The following NOL4 variants were observed in gnomAD, a reference collection of about 807,000 sequenced individuals.
NOL4 encodes nucleolar protein 4.
In NOL4, 17 loss-of-function variants were observed where a neutral mutation model predicts 75.9. The observed-to-expected ratio is 0.22, with a 90% CI of 0.15 to 0.34. The LOEUF is 0.34. Ranked by LOEUF, NOL4 falls within the 10% of genes least tolerant of loss-of-function variation. The probability of loss-of-function intolerance (pLI) is 1.00; values close to 1 mark genes in which losing one functional copy is unlikely to be tolerated. For missense variants in NOL4, 614 were observed against 793.5 expected, an observed-to-expected ratio of 0.77 and a Z score of 2.72; for synonymous variants, 292 against 289.9, an observed-to-expected ratio of 1.01 and a Z score of -0.07.
rs148008016 is a variant in NOL4, at chr18:34,069,869, C to A, written c.772+23596G>T. 2.3e-3 allele frequency among the ~76,000 whole-genome samples: 352 copies of A among 152,322 alleles called. 2 individuals carry two copies. The highest frequency in any genetic ancestry group is 7.9e-3 in the African/African-American group (330 of 41,582). On this transcript the variant is annotated intron_variant, in intron 5 of 10. Transcript: ENST00000261592. Reference sequence around the variant, plus strand: ...TGGCTAAGACTTGATTAATAACAGACAGATCTCCTAATTTTAGTCCTGCCT... The same window carrying A: ...TGGCTAAGACTTGATTAATAACAGAAAGATCTCCTAATTTTAGTCCTGCCT...
intron 6 of NOL4, among the ~76,000 whole-genome samples, chr18:34,010,361 C>A (rs1454269961): frequency 6.6e-6 from 1 of 151,698 alleles, no homozygotes; most frequent in Non-Finnish European, 1.5e-5. Flanking sequence ...GAATAGTATT[C>A]CATTGTGTAT....
intron 5 of NOL4, among the ~76,000 whole-genome samples, chr18:34,086,006 T>C (rs1022983571): frequency 6.6e-6 from 1 of 152,146 alleles, no homozygotes; most frequent in Non-Finnish European, 1.5e-5. Context: ...TAGTTTATAC[T>C]TCTGTAAATT....
chr18:33,918,940 T>A (rs1466848412), intron 9 of NOL4, among the ~76,000 whole-genome samples: 1 of 152,068 alleles, frequency 6.6e-6, no homozygotes, highest in African/African-American at 2.4e-5. Context: ...GATAGATAGG[T>A]TAATAATATA....
At chr18:34,128,386 G>T (rs756328639) in intron 2 of NOL4, among the ~76,000 whole-genome samples, 2 of 151,960 alleles carry the variant, frequency 1.3e-5, no homozygotes, top group Non-Finnish European at 2.9e-5. Flanking sequence ...TCGAGTTCAG[G>T]TAGCTATTTC....
chr18:34,070,859 A>T (rs1304103809), intron 5 of NOL4, among the ~76,000 whole-genome samples: 1 of 152,200 alleles, frequency 6.6e-6, no homozygotes, highest in African/African-American at 2.4e-5. Flanking sequence ...AAAAATAACA[A>T]TATAAACATG....
At chr18:33,935,691 T>C (rs759439376) in intron 9 of NOL4, among the ~76,000 whole-genome samples, 5 of 152,118 alleles carry the variant, frequency 3.3e-5, no homozygotes, top group Non-Finnish European at 5.9e-5. Context: ...GCTCACAAGA[T>C]TGTCACAAAC....
intron 5 of NOL4, among the ~76,000 whole-genome samples, chr18:34,078,829 A>G (rs755650368): frequency 2.0e-5 from 3 of 152,224 alleles, no homozygotes; most frequent in Non-Finnish European, 4.4e-5. Context: ...AAGGAGAGAC[A>G]TTTATCAGGA....
At chr18:34,106,800 CATT>C (rs1357997126) in intron 2 of NOL4, among the ~76,000 whole-genome samples, 1 of 151,824 alleles carries the variant, frequency 6.6e-6, no homozygotes, top group Admixed American at 6.6e-5. Context: ...CATTAGAGAT[CATT>C]ATTTTCTTAC....
chr18:34,214,263 AT>A (rs934141584), intron 1 of NOL4, among the ~76,000 whole-genome samples: 252 of 146,634 alleles, frequency 1.7e-3, no homozygotes, highest in African/African-American at 6.1e-3. Context: ...TAAAACTTGG[AT>A]TTATATATAT....
At chr18:33,881,902 A>G (rs538085988) in intron 10 of NOL4, among the ~76,000 whole-genome samples, 9 of 152,120 alleles carry the variant, frequency 5.9e-5, no homozygotes, top group African/African-American at 2.2e-4. Context: ...ATAAAGCCGC[A>G]TATCTACAAC....
At chr18:34,093,418 A>G in intron 5 of NOL4, 47 bp downstream of exon 5, 2 of 1,513,136 alleles carry the variant, frequency 1.3e-6, no homozygotes, top group Non-Finnish European at 1.8e-6. Context: ...ATTCTGACTC[A>G]TTTTTTTGCT....
At chr18:34,186,615 A>G (rs1217775673) in intron 1 of NOL4, among the ~76,000 whole-genome samples, 2 of 152,216 alleles carry the variant, frequency 1.3e-5, no homozygotes, top group Admixed American at 1.3e-4. Flanking sequence ...GCATTTTGAG[A>G]GTGCTATACC....
At position 33,881,753 on chromosome 18, in the gene NOL4, C is replaced by A. The variant is rs182289790; in HGVS notation, c.1723+1491G>T. ...AACGAGCCCGCATTGCCAGGTCAAT[C>A]CTAAGCCAAAAGAACAAAGCTGGAG... On this transcript the variant is annotated intron_variant, in intron 10 of 10. Coordinates refer to ENST00000261592, the MANE Select transcript of NOL4 (RefSeq NM_003787.5). Among the ~76,000 whole-genome samples the A allele has an allele frequency of 5.1e-3, 770 of 152,244 alleles. 8 individuals carry two copies. The highest frequency in any genetic ancestry group is 0.018 in the African/African-American group (739 of 41,528).
intron 6 of NOL4, among the ~76,000 whole-genome samples, chr18:33,964,362 A>T (rs1356651844): frequency 6.6e-6 from 1 of 152,142 alleles, no homozygotes; most frequent in Non-Finnish European, 1.5e-5. Context: ...TTATAAGTGT[A>T]ATGATCTAGC....
chr18:33,972,301 A>T (rs1482569262), intron 6 of NOL4, among the ~76,000 whole-genome samples: 1 of 152,186 alleles, frequency 6.6e-6, no homozygotes, highest in Non-Finnish European at 1.5e-5. Context: ...TAACCTGATT[A>T]AAAAATGAGC....
chr18:34,172,567 G>A (rs2033152923), intron 1 of NOL4, among the ~76,000 whole-genome samples: 1 of 152,010 alleles, frequency 6.6e-6, no homozygotes, highest in African/African-American at 2.4e-5. Context: ...TGCACTATAT[G>A]GTAGTTCTGT....
At chr18:34,218,032 A>G (rs981491400) in intron 1 of NOL4, among the ~76,000 whole-genome samples, 1 of 151,990 alleles carries the variant, frequency 6.6e-6, no homozygotes, top group Non-Finnish European at 1.5e-5. Flanking sequence ...ATCTTGTTAT[A>G]TAAAGATTGT....
intron 10 of NOL4, among the ~76,000 whole-genome samples, chr18:33,882,077 C>T (rs534047323): frequency 9.2e-5 from 14 of 152,148 alleles, no homozygotes; most frequent in African/African-American, 2.2e-4. Flanking sequence ...AAGACTTAAA[C>T]GTTAGACCTA....
intron 9 of NOL4, among the ~76,000 whole-genome samples, chr18:33,938,977 T>C (rs1288358198): frequency 6.6e-6 from 1 of 152,150 alleles, no homozygotes; most frequent in African/African-American, 2.4e-5. Flanking sequence ...AAAGGTCCAG[T>C]TTCAGCTTTC....
Sources: gnomAD v4.1 joint callset for allele counts (sites outside exome capture counted in the v4.1 genomes callset) on GRCh38, gnomAD v4.1.1 for gene constraint, MANE v1.5 for transcripts, NCBI Gene and HGNC (gene_info 2026-07-23, HGNC 2026-07-21) for gene names.